KIF13A: variants seen among roughly 807,000 people sequenced by gnomAD.
KIF13A encodes kinesin family member 13A.
In KIF13A, 79 loss-of-function variants were observed where a neutral mutation model predicts 212.2. The ratio of observed to expected loss-of-function variants is 0.37; its 90% CI spans 0.31 to 0.45. The LOEUF is 0.45. Among genes scored for constraint, KIF13A ranks in the 20% least tolerant of loss-of-function variants. The probability of loss-of-function intolerance (pLI) is 1.00; values close to 1 mark genes in which losing one functional copy is unlikely to be tolerated. For synonymous variants in KIF13A, 789 were observed against 808.6 expected, an observed-to-expected ratio of 0.98 and a Z score of 0.41; for missense variants, 1,901 against 2,209.0, an observed-to-expected ratio of 0.86 and a Z score of 2.79.
At chr6:17,917,560 C>A (rs1253697767) in intron 2 of KIF13A, among the ~76,000 whole-genome samples, 1 of 152,012 alleles carries the variant, frequency 6.6e-6, no homozygotes, top group Non-Finnish European at 1.5e-5. Flanking sequence ...GTTCTTGACA[C>A]CTTATCTTAT....
At chr6:17,862,918 A>G (rs959670787) in intron 4 of KIF13A, among the ~76,000 whole-genome samples, 1 of 152,230 alleles carries the variant, frequency 6.6e-6, no homozygotes, top group Non-Finnish European at 1.5e-5. Flanking sequence ...ACTGCACTCC[A>G]GCTCAGGCGA....
chr6:17,826,156 A>AT lies in KIF13A; in HGVS notation c.1533-33dup. 7 of 1,553,648 alleles carry AT rather than the reference A, an allele frequency of 4.5e-6. No individual in the cohort carries two copies. The highest frequency in any genetic ancestry group is 6.2e-6 in the Non-Finnish European group (7 of 1,126,056). On this transcript the variant is annotated intron_variant, in intron 14 of 38. Transcript: ENST00000259711. The surrounding 1 kb of genome is among the most constrained non-coding windows in gnomAD (Gnocchi z 4.7). ...GAACACGAGGGAAAATACCAGGTAA[A>AT]TGGGAAGGAGCACAAGACCTTGTCC...
At chr6:17,931,526 C>T (rs1775985663) in intron 2 of KIF13A, among the ~76,000 whole-genome samples, 1 of 152,166 alleles carries the variant, frequency 6.6e-6, no homozygotes, top group African/African-American at 2.4e-5. Context: ...CAAAATATTG[C>T]ATTCTTGATG....
chr6:17,778,814 C>T, intron 33 of KIF13A, 133 bp downstream of exon 33: 2 of 1,002,320 alleles, frequency 2.0e-6, no homozygotes, highest in South Asian at 1.5e-5. Context: ...TTGCCAGAGT[C>T]CTTTCAATAG....
rs375016288 is a variant in KIF13A, at chr6:17,938,880, C to T, written c.147-40700G>A. Among the ~76,000 whole-genome samples the T allele has an allele frequency of 2.2e-4, 33 of 148,384 alleles. No homozygotes were observed. In the East Asian group the frequency reaches 2.4e-3, roughly 11 times the overall value. Reference sequence around the variant, plus strand: ...GTTGTGTTGTTATATAAGGAATGCACTAATTTTTATGTATTCATTCTACAA... The same window carrying T: ...GTTGTGTTGTTATATAAGGAATGCATTAATTTTTATGTATTCATTCTACAA... On this transcript the variant is annotated intron_variant, in intron 2 of 38. Coordinates refer to ENST00000259711, the MANE Select transcript of KIF13A (RefSeq NM_022113.6).
At position 17,828,048 on chromosome 6, in the gene KIF13A, A is replaced by G. The variant is rs1765121338; in HGVS notation, c.1532+192T>C. Among the ~76,000 whole-genome samples the G allele has an allele frequency of 6.6e-6, 1 of 152,174 alleles. No individual in the cohort carries two copies. Among genetic ancestry groups the G allele is most frequent in the Non-Finnish European group, 1.5e-5 (1 of 68,040 alleles). ...AAGCTCAGAGTTATGGATTAAGTGGAACTAGAACTCGCATACAAAAATAGT... is the reference window on the plus strand; with the variant it reads ...AAGCTCAGAGTTATGGATTAAGTGGGACTAGAACTCGCATACAAAAATAGT... On this transcript the variant is annotated intron_variant, in intron 14 of 38. Coordinates refer to ENST00000259711, the MANE Select transcript of KIF13A (RefSeq NM_022113.6). This position sits in a 1 kb window ranked among gnomAD's most constrained non-coding sequence, Gnocchi z 4.3.
chr6:17,837,135 A>G lies in KIF13A; in HGVS notation c.943-45T>C. 6.6e-7 allele frequency: 1 copy of G among 1,513,900 alleles called. No individual in the cohort carries two copies. The highest frequency in any genetic ancestry group is 2.3e-5 in the East Asian group (1 of 44,238). 93.8% of individuals were successfully genotyped at this position (1,513,900 alleles called of 1,614,324 possible). On this transcript the variant is annotated intron_variant, in intron 10 of 38. Transcript: ENST00000259711. The surrounding 1 kb of genome is among the most constrained non-coding windows in gnomAD (Gnocchi z 5.4). ...GCATCTTAGGAAGCCCATTCCATGG[A>G]CAACACATATGATAAAAGCACTAAA...
rs1279987924 is a variant in KIF13A at position 17,922,843 on chromosome 6, C to CA, written c.147-24664dup. On this transcript the variant is annotated intron_variant, in intron 2 of 38. Coordinates refer to ENST00000259711, the MANE Select transcript of KIF13A (RefSeq NM_022113.6). Reference sequence around the variant, plus strand: ...CTCACTACATTGCCTAGGCTGGTCTCAAACTCCTGGGCTCAAGCGATCCTC... The same window carrying CA: ...CTCACTACATTGCCTAGGCTGGTCTCAAAACTCCTGGGCTCAAGCGATCCTC... Among the ~76,000 whole-genome samples, 5 of 151,812 alleles carry CA rather than the reference C, an allele frequency of 3.3e-5. No homozygotes were observed. The East Asian group carries it at 9.8e-4, about 30-fold the overall frequency.
intron 2 of KIF13A, among the ~76,000 whole-genome samples, chr6:17,969,278 C>T (rs1248408881): frequency 6.6e-6 from 1 of 152,192 alleles, no homozygotes; most frequent in South Asian, 2.1e-4. Flanking sequence ...AAGTTTTGAC[C>T]ACACGGCTGG....
chr6:17,800,245 G>T, intron 20 of KIF13A, 132 bp from the exon 21 acceptor site: 6 of 792,346 alleles, frequency 7.6e-6, no homozygotes, highest in Non-Finnish European at 9.8e-6. Flanking sequence ...CTTCGGCAAC[G>T]GGAGCCCTGC....
In KIF13A at chr6:17,919,245, A is replaced by C. The variant is rs537908456; in HGVS notation, c.147-21065T>G. On this transcript the variant is annotated intron_variant, in intron 2 of 38. Coordinates refer to ENST00000259711, the MANE Select transcript of KIF13A (RefSeq NM_022113.6). The surrounding 1 kb of genome is among the most constrained non-coding windows in gnomAD (Gnocchi z 4.1). Reference sequence around the variant, plus strand: ...TGAACAGCATCACATAACATCACAAAACATCACAGCACATCACAAAACAGT... The same window carrying C: ...TGAACAGCATCACATAACATCACAACACATCACAGCACATCACAAAACAGT... 1.3e-5 allele frequency among the ~76,000 whole-genome samples: 2 copies of C among 152,320 alleles called. No individual in the cohort carries two copies. The highest frequency in any genetic ancestry group is 4.8e-5 in the African/African-American group (2 of 41,582).
At chr6:17,803,312 CTG>C (rs1316419153) in intron 20 of KIF13A, among the ~76,000 whole-genome samples, 1 of 152,132 alleles carries the variant, frequency 6.6e-6, no homozygotes, top group Non-Finnish European at 1.5e-5. Context: ...AGACTCCTAA[CTG>C]TGCCCATTTT....
At chr6:17,890,315 T>C (rs1333104917) in intron 3 of KIF13A, among the ~76,000 whole-genome samples, 1 of 152,080 alleles carries the variant, frequency 6.6e-6, no homozygotes, top group African/African-American at 2.4e-5. Flanking sequence ...TTTTTATTCC[T>C]GTGTGTGTTT....
At position 17,781,323 on chromosome 6, in the gene KIF13A, A is replaced by G. The variant is rs781450825; in HGVS notation, c.3545-22T>C. On this transcript the variant is annotated intron_variant, in intron 29 of 38. Coordinates refer to ENST00000259711, the MANE Select transcript of KIF13A (RefSeq NM_022113.6). Reference sequence around the variant, plus strand: ...TCCGCTAACCACATCAGGAGCACAGAAAAAACAGTAGGGGAAAGTCAGTTT... The same window carrying G: ...TCCGCTAACCACATCAGGAGCACAGGAAAAACAGTAGGGGAAAGTCAGTTT... 1.9e-6 allele frequency: 3 copies of G among 1,543,804 alleles called. No individual in the cohort carries two copies. The South Asian group carries it at 3.7e-5, about 19-fold the overall frequency.
chr6:17,764,332 G>C lies in KIF13A; in HGVS notation c.5196C>G (p.Asp1732Glu). ...TVEHTTNILE[D>E]HSFTEFMGVS... ...CTCCCATAAATTCTGTGAAAGAATG[G>C]TCTTCAAGGATGTTGGTGGTGTGTT... Residue 1732 changes from aspartate to glutamate, a missense_variant, in exon 39 of 39, where the codon GAC becomes GAG. Asp to Glu is a conservative substitution (Grantham distance 45). This residue lies in a region of KIF13A where 687 missense variants were observed against 759.1 expected (regional missense o/e 0.90). Coordinates refer to ENST00000259711, the MANE Select transcript of KIF13A (RefSeq NM_022113.6). The surrounding 1 kb of genome is among the most constrained non-coding windows in gnomAD (Gnocchi z 5.1). The C allele has an allele frequency of 6.2e-7, 1 of 1,614,002 alleles. No individual in the cohort carries two copies. Among genetic ancestry groups the C allele is most frequent in the Non-Finnish European group, 8.5e-7 (1 of 1,179,896 alleles).
chr6:17,807,982 T>A (rs868576248), intron 18 of KIF13A, among the ~76,000 whole-genome samples: 5 of 152,088 alleles, frequency 3.3e-5, no homozygotes, highest in Admixed American at 2.6e-4. Context: ...ACAGGAAAAA[T>A]TCTTCAAGGT....
chr6:17,820,173 G>A (rs1167887343), intron 16 of KIF13A, among the ~76,000 whole-genome samples: 1 of 152,146 alleles, frequency 6.6e-6, no homozygotes. Flanking sequence ...ACCAGCAGCT[G>A]TCATGACACA....
At chr6:17,894,384 C>T (rs950895883) in intron 3 of KIF13A, among the ~76,000 whole-genome samples, 2 of 152,176 alleles carry the variant, frequency 1.3e-5, no homozygotes, top group African/African-American at 4.8e-5. Context: ...TTCCCAAGGC[C>T]GGGGATCACA....
At position 17,779,691 on chromosome 6, in the gene KIF13A, G is replaced by C; in HGVS notation, c.3847-7C>G. The C allele has an allele frequency of 6.1e-5, 48 of 791,654 alleles. No homozygotes were observed. Among genetic ancestry groups the C allele is most frequent in the Non-Finnish European group, 8.1e-5 (43 of 529,036 alleles). 49.0% of individuals were successfully genotyped at this position (791,654 alleles called of 1,614,324 possible). On this transcript the variant is annotated splice_region_variant and splice_polypyrimidine_tract_variant and intron_variant, in intron 31 of 38. Coordinates refer to ENST00000259711, the MANE Select transcript of KIF13A (RefSeq NM_022113.6). The stretch of plus-strand genomic sequence containing the variant: ...TCAAACTCTGCGTGAAACTCTAGTA[G>C]AAAAAAAAAAAAGCTGTATTAAGCT...
Sources: allele counts gnomAD v4.1 joint callset (sites outside exome capture counted in the v4.1 genomes callset), GRCh38; gene constraint gnomAD v4.1.1; regional missense constraint gnomAD v4.1.1; non-coding constraint Gnocchi (gnomAD v3.1); transcripts MANE v1.5; gene names NCBI Gene and HGNC (gene_info 2026-07-23, HGNC 2026-07-21).